Variants in CRISP1 observed in about 807,000 individuals in gnomAD.
CRISP1 encodes the protein cysteine-rich secretory protein 1.
CRISP1 carries 44 observed loss-of-function variants against 33.1 expected under a neutral mutation model. The ratio of observed to expected loss-of-function variants is 1.33; its 90% CI spans 1.05 to 1.71. CRISP1 has a LOEUF of 1.71. Among genes scored for constraint, CRISP1 ranks in the 40% most tolerant of loss-of-function variants. The pLI is 0.00. For missense variants in CRISP1, 390 were observed against 301.2 expected, an observed-to-expected ratio of 1.29 and a Z score of -2.18; for synonymous variants, 103 against 98.7, an observed-to-expected ratio of 1.04 and a Z score of -0.26.
upstream of CRISP1, among the ~76,000 whole-genome samples, chr6:49,871,398 A>G (rs1029531615): frequency 2.0e-5 from 3 of 152,208 alleles, no homozygotes; most frequent in Non-Finnish European, 2.9e-5. Context: ...GAAGTAATCC[A>G]TGAATCTACT....
At chr6:49,848,752 AT>A (rs1771262036) in intron 3 of CRISP1, among the ~76,000 whole-genome samples, 1 of 152,178 alleles carries the variant, frequency 6.6e-6, no homozygotes, top group Non-Finnish European at 1.5e-5. Flanking sequence ...AATCTTCTGT[AT>A]TGAATAAATG....
At chr6:49,860,266 C>G (rs10948532) in intron 1 of CRISP1, among the ~76,000 whole-genome samples, 52,344 of 151,904 alleles carry the variant, frequency 0.34, 9,752 homozygotes, top group Non-Finnish European at 0.41. Flanking sequence ...TTAAACCAAA[C>G]GAACCTAACA....
At chr6:49,835,591 T>G in intron 7 of CRISP1, 148 bp from the exon 8 acceptor site, 1 of 741,648 alleles carries the variant, frequency 1.3e-6, no homozygotes, top group Non-Finnish European at 2.1e-6. Flanking sequence ...TAAATCTGAA[T>G]GCAAAACAGG....
intron 1 of CRISP1, among the ~76,000 whole-genome samples, chr6:49,860,570 A>G (rs1771620401): frequency 1.3e-5 from 2 of 152,198 alleles, no homozygotes; most frequent in Non-Finnish European, 2.9e-5. Flanking sequence ...TTTTAAACAA[A>G]TAAAAATTGA....
At chr6:49,858,718 T>A (rs1158936010) in intron 1 of CRISP1, among the ~76,000 whole-genome samples, 1 of 152,122 alleles carries the variant, frequency 6.6e-6, no homozygotes, top group Non-Finnish European at 1.5e-5. Context: ...AATGTCCCTT[T>A]CTCTTTCTAA....
intron 7 of CRISP1, among the ~76,000 whole-genome samples, chr6:49,836,643 A>G (rs1434297182): frequency 6.6e-6 from 1 of 151,980 alleles, no homozygotes; most frequent in Non-Finnish European, 1.5e-5. Context: ...CCGGCCTACA[A>G]ATTTTAAATT....
intron 2 of CRISP1, among the ~76,000 whole-genome samples, chr6:49,855,379 A>G (rs751913615): frequency 2.0e-5 from 3 of 152,278 alleles, no homozygotes; most frequent in Middle Eastern, 6.8e-3. Flanking sequence ...AAAATCTTTA[A>G]CAAGGCCTTT....
At chr6:49,850,103 TG>T (rs1381523928) in intron 3 of CRISP1, among the ~76,000 whole-genome samples, 2 of 58,476 alleles carry the variant, frequency 3.4e-5, no homozygotes, top group Admixed American at 2.8e-4. Flanking sequence ...AGTTGTGGGG[TG>T]GGGGGAGGGG....
chr6:49,840,426 GAA>G (rs1297171132), intron 6 of CRISP1, among the ~76,000 whole-genome samples: 2 of 152,294 alleles, frequency 1.3e-5, no homozygotes, highest in East Asian at 3.9e-4. Flanking sequence ...TAAATACAGG[GAA>G]AGACACTTGG....
At chr6:49,840,343 C>T (rs1034291287) in intron 6 of CRISP1, among the ~76,000 whole-genome samples, 1 of 152,138 alleles carries the variant, frequency 6.6e-6, no homozygotes, top group African/African-American at 2.4e-5. Flanking sequence ...TGACTAGTAT[C>T]TGTGGTAGAA....
In CRISP1 at chr6:49,838,492, A is replaced by T. The variant is rs772532508; in HGVS notation, c.567T>A (p.Tyr189Ter). Residue 189 changes from tyrosine to a stop codon, truncating the protein, a stop_gained, in exon 7 of 8, where the codon TAT becomes TAA. Coordinates refer to ENST00000335847, the MANE Select transcript of CRISP1 (RefSeq NM_001131.3). LOFTEE classifies it high-confidence loss of function. ...AGGCTTCACATGGGACGCCTGTCTTATAAGGTTCATTCTTTGTTTCAGGAT... is the reference window on the plus strand; with the variant it reads ...AGGCTTCACATGGGACGCCTGTCTTTTAAGGTTCATTCTTTGTTTCAGGAT... ...GNDPETKNEP[Y>*]KTGVPCEACP... The T allele has an allele frequency of 5.0e-6, 8 of 1,613,296 alleles. No individual in the cohort carries two copies. The highest frequency in any genetic ancestry group is 6.8e-6 in the Non-Finnish European group (8 of 1,179,688).
At chr6:49,846,273 G>A (rs977814037) in intron 5 of CRISP1, among the ~76,000 whole-genome samples, 24 of 152,096 alleles carry the variant, frequency 1.6e-4, no homozygotes, top group Admixed American at 1.6e-3. Flanking sequence ...TGAGATTGAT[G>A]TCTTATGATT....
chr6:49,852,849 T>TGTGTG (rs1771392553), intron 2 of CRISP1, among the ~76,000 whole-genome samples: 1 of 47,720 alleles, frequency 2.1e-5, no homozygotes. Context: ...AGAATCTTTG[T>TGTGTG]GTGTGTGTGT....
intron 1 of CRISP1, among the ~76,000 whole-genome samples, chr6:49,860,954 A>T (rs183751117): frequency 5.0e-4 from 76 of 152,252 alleles, no homozygotes; most frequent in Middle Eastern, 6.8e-3. Flanking sequence ...AGACCACAAG[A>T]CAATCATGGA....
intron 2 of CRISP1, among the ~76,000 whole-genome samples, chr6:49,854,956 T>C (rs1026727791): frequency 6.6e-6 from 1 of 152,170 alleles, no homozygotes; most frequent in Non-Finnish European, 1.5e-5. Context: ...TGGGAAACCC[T>C]ACATTAGAAA....
Position 49,834,687 on chromosome 6 carries a change from A to G in CRISP1, c.*629T>C, listed in dbSNP as rs1770724235. On this transcript the variant is annotated 3_prime_UTR_variant, in exon 8 of 8. Coordinates refer to ENST00000335847, the MANE Select transcript of CRISP1 (RefSeq NM_001131.3). The stretch of plus-strand genomic sequence containing the variant: ...ATTCCTTCCATATATATAAACATGC[A>G]TCTTGTATGCAATCAGTACTGAATA... 6.6e-6 allele frequency: 1 copy of G among 152,318 alleles called. No individual in the cohort carries two copies. Among genetic ancestry groups the G allele is most frequent in the Non-Finnish European group, 1.5e-5 (1 of 68,020 alleles). 9.4% of individuals were successfully genotyped at this position (152,318 alleles called of 1,614,324 possible). A position where few individuals can be genotyped will look rare whatever the true frequency, so the allele number is the denominator to read the frequency against.
At chr6:49,837,943 C>T (rs1770856485) in intron 7 of CRISP1, among the ~76,000 whole-genome samples, 1 of 151,104 alleles carries the variant, frequency 6.6e-6, no homozygotes, top group African/African-American at 2.4e-5. Flanking sequence ...TGAGCATCAG[C>T]TAACTTTTTA....
At chr6:49,851,483 T>C (rs1174333522) in intron 3 of CRISP1, among the ~76,000 whole-genome samples, 1 of 152,218 alleles carries the variant, frequency 6.6e-6, no homozygotes, top group Non-Finnish European at 1.5e-5. Context: ...TTTGCCAATA[T>C]TTATTTACCT....
At chr6:49,875,264 C>A (rs1052052243) in intron 1 of CRISP1, among the ~76,000 whole-genome samples, 1 of 151,782 alleles carries the variant, frequency 6.6e-6, no homozygotes, top group African/African-American at 2.4e-5. Flanking sequence ...TTCCTATATA[C>A]CAACAAGAGG....
Sources: gnomAD v4.1 joint callset for allele counts (sites outside exome capture counted in the v4.1 genomes callset) on GRCh38, gnomAD v4.1.1 for gene constraint, MANE v1.5 for transcripts, NCBI Gene and HGNC (gene_info 2026-07-23, HGNC 2026-07-21) for gene names.